Variants in ZNF333 observed in about 807,000 individuals in gnomAD.
ZNF333 encodes the protein zinc finger protein 333.
A neutral mutation model predicts 76.1 loss-of-function variants in ZNF333; 61 were observed. The observed-to-expected ratio is 0.80, with a 90% confidence interval of 0.65 to 0.99. ZNF333 has a LOEUF of 0.99. Ranked by LOEUF, ZNF333 falls within the 50% of genes least tolerant of loss-of-function variation. The pLI is 0.00. For missense variants in ZNF333, 717 were observed against 822.4 expected (o/e 0.87, Z 1.57); for synonymous variants, 284 against 305.0 (o/e 0.93, Z 0.72).
In ZNF333 at chr19:14,720,148, T is replaced by G. The variant is rs2042557570; in HGVS notation, c.*823T>G. On this transcript the variant is annotated 3_prime_UTR_variant, in exon 12 of 12. Transcript: ENST00000292530. Reference sequence around the variant, plus strand: ...TTGCAGTGAGCCGAGATTGCGCCACTGCACTCCAGCCTGGGCAACAGAGTG... The same window carrying G: ...TTGCAGTGAGCCGAGATTGCGCCACGGCACTCCAGCCTGGGCAACAGAGTG... 12 of 956,262 alleles carry G rather than the reference T, an allele frequency of 1.3e-5. No individual in the cohort carries two copies. The South Asian group carries it at 5.8e-4, about 46-fold the overall frequency. 59.2% of individuals were successfully genotyped at this position (956,262 alleles called of 1,614,324 possible).
intron 1 of ZNF333, among the ~76,000 whole-genome samples, chr19:14,691,895 T>C (rs1396822891): frequency 1.3e-5 from 2 of 152,160 alleles, no homozygotes; most frequent in Admixed American, 6.5e-5. Context: ...CAGGCTGGTC[T>C]GGAACTCCTG....
intron 7 of ZNF333, among the ~76,000 whole-genome samples, chr19:14,709,699 C>T (rs1054310215): frequency 6.6e-6 from 1 of 152,228 alleles, no homozygotes; most frequent in African/African-American, 2.4e-5. Context: ...CACCAGAGCT[C>T]TCTCGCCCAT....
intron 7 of ZNF333, among the ~76,000 whole-genome samples, chr19:14,710,385 C>T (rs1018715056): frequency 2.0e-5 from 3 of 152,130 alleles, no homozygotes; most frequent in African/African-American, 7.2e-5. Context: ...CTGGGTTCCC[C>T]CAAGACCACC....
At chr19:14,710,687 A>AG (rs1319422913) in intron 7 of ZNF333, among the ~76,000 whole-genome samples, 15 of 152,238 alleles carry the variant, frequency 9.9e-5, no homozygotes, top group Non-Finnish European at 1.9e-4. Context: ...TTGAGGCAGG[A>AG]GAATTGCTTG....
chr19:14,731,292 G>T, exon 12 of ZNF333: 1 of 1,150,408 alleles, frequency 8.7e-7, no homozygotes, highest in Non-Finnish European at 1.2e-6. Flanking sequence ...CTCCAAATCT[G>T]CAGATTCTGA....
rs917247556 is a variant in ZNF333, at chr19:14,721,720, G to A, written c.*2395G>A. 6.6e-6 allele frequency: 1 copy of A among 152,170 alleles called. No individual in the cohort carries two copies. Among genetic ancestry groups the A allele is most frequent in the Non-Finnish European group, 1.5e-5 (1 of 68,040 alleles). The allele number at this position is 152,170 out of a possible 1,614,324, so 9.4% of individuals were successfully genotyped here. On this transcript the variant is annotated 3_prime_UTR_variant, in exon 12 of 12. Transcript: ENST00000292530. ...CAGGTTCATCCATGTTATCACAAAT[G>A]ACAGAATTTCCTTCCTCATCAAGGC...
At chr19:14,723,967 G>T (rs1381392827), downstream of ZNF333, among the ~76,000 whole-genome samples, 1 of 152,154 alleles carries the variant, frequency 6.6e-6, no homozygotes, top group Non-Finnish European at 1.5e-5. Flanking sequence ...TGACAGATCA[G>T]CTGTTCATCT....
Position 14,719,674 on chromosome 19 carries a change from G to A in ZNF333, c.*349G>A. 1 of 1,034,872 alleles carries A rather than the reference G, an allele frequency of 9.7e-7. No homozygotes were observed. The highest frequency in any genetic ancestry group is 1.2e-6 in the Non-Finnish European group (1 of 862,350). 64.1% of individuals were successfully genotyped at this position (1,034,872 alleles called of 1,614,324 possible). ...TCTGGAAGGTTCCTGCATGTTATAT[G>A]GCTATTTCTTAGTTGCCTTTTTGTT... On this transcript the variant is annotated 3_prime_UTR_variant, in exon 12 of 12. Transcript: ENST00000292530.
At chr19:14,701,513 G>A in intron 5 of ZNF333, 1 of 926,078 alleles carries the variant, frequency 1.1e-6, no homozygotes, top group South Asian at 5.0e-5. Flanking sequence ...ATGAAGGAAG[G>A]AATGGATAAG....
chr19:14,704,299 T>C (rs1279415541), intron 5 of ZNF333, among the ~76,000 whole-genome samples: 1 of 152,126 alleles, frequency 6.6e-6, no homozygotes, highest in Non-Finnish European at 1.5e-5. Flanking sequence ...CTGACTTTTT[T>C]TTTAAGACAC....
exon 12 of ZNF333, chr19:14,731,434 A>G (rs999948342): frequency 1.3e-5 from 7 of 550,604 alleles, no homozygotes; most frequent in Non-Finnish European, 1.9e-5. Context: ...CAAGGAGACT[A>G]AGGCCTGTGT....
At chr19:14,703,306 C>T (rs2042016445) in intron 5 of ZNF333, among the ~76,000 whole-genome samples, 1 of 151,920 alleles carries the variant, frequency 6.6e-6, no homozygotes, top group Non-Finnish European at 1.5e-5. Flanking sequence ...TTACCTCCCA[C>T]CGGGTCCCTC....
chr19:14,695,591 T>C lies in ZNF333; in HGVS notation c.153T>C (p.Cys51=), dbSNP rs1490316401. The change falls in exon 4 of 12, where the codon TGT becomes TGC. Residue 51 remains cysteine, a synonymous_variant. Coordinates refer to ENST00000292530, the MANE Select transcript of ZNF333 (RefSeq NM_032433.4). ...SRGTPPCKPS[C]VSQLGQRAEP... ...GAACTCCACCATGCAAACCCAGTTGTGTCTCCCAGCTGGGGCAAAGAGCAG... is the reference window on the plus strand; with the variant it reads ...GAACTCCACCATGCAAACCCAGTTGCGTCTCCCAGCTGGGGCAAAGAGCAG... 4 of 1,614,076 alleles carry C rather than the reference T, an allele frequency of 2.5e-6. No homozygotes were observed. Among genetic ancestry groups the C allele is most frequent in the Non-Finnish European group, 2.5e-6 (3 of 1,180,048 alleles).
chr19:14,699,529 C>T (rs566807897), intron 5 of ZNF333: 31 of 354,094 alleles, frequency 8.8e-5, no homozygotes, highest in Non-Finnish European at 1.2e-4. Flanking sequence ...GGCATGATCT[C>T]GGCTCATTTC....
In ZNF333 at chr19:14,719,378, A is replaced by G. The variant is rs2042539890; in HGVS notation, c.*53A>G. On this transcript the variant is annotated 3_prime_UTR_variant, in exon 12 of 12. Coordinates refer to ENST00000292530, the MANE Select transcript of ZNF333 (RefSeq NM_032433.4). ...TGGGGCTATGACTTTCCCTCGTAAT[A>G]CTCCTTTAGCTGCATCCTGTGTTTC... 1.5e-5 allele frequency: 23 copies of G among 1,508,290 alleles called. No individual in the cohort carries two copies. The highest frequency in any genetic ancestry group is 2.0e-5 in the Non-Finnish European group (23 of 1,126,308). The allele number at this position is 1,508,290 out of a possible 1,614,324, so 93.4% of individuals were successfully genotyped here.
At chr19:14,716,465 C>T (rs1248003081) in intron 9 of ZNF333, among the ~76,000 whole-genome samples, 2 of 152,060 alleles carry the variant, frequency 1.3e-5, no homozygotes, top group East Asian at 3.9e-4. Flanking sequence ...TGCCATGTTT[C>T]CCAGACTGGT....
chr19:14,711,934 C>T (rs758647240), intron 7 of ZNF333, among the ~76,000 whole-genome samples: 3 of 151,920 alleles, frequency 2.0e-5, no homozygotes, highest in Non-Finnish European at 4.4e-5. Context: ...AGAGAAGGGG[C>T]TCTTTCTACA....
downstream of ZNF333, among the ~76,000 whole-genome samples, chr19:14,725,079 C>T (rs1033421018): frequency 7.9e-5 from 12 of 152,104 alleles, no homozygotes; most frequent in Admixed American, 2.6e-4. Flanking sequence ...CAGCTTCTGG[C>T]GAGGGCCTCA....
At chr19:14,703,471 T>G (rs2042022425) in intron 5 of ZNF333, among the ~76,000 whole-genome samples, 1 of 152,174 alleles carries the variant, frequency 6.6e-6, no homozygotes, top group African/African-American at 2.4e-5. Context: ...TCAAAATGAT[T>G]CTGATGGAAA....
Sources: gnomAD v4.1 joint callset for allele counts (sites outside exome capture counted in the v4.1 genomes callset) on GRCh38, gnomAD v4.1.1 for gene constraint, MANE v1.5 for transcripts, NCBI Gene and HGNC (gene_info 2026-07-23, HGNC 2026-07-21) for gene names.